GEMIN8: variants seen among roughly 807,000 people sequenced by gnomAD.
GEMIN8 encodes gem nuclear organelle associated protein 8.
For missense variants in GEMIN8, 185 were observed against 205.9 expected (o/e 0.90, Z 0.62); for synonymous variants, 80 against 78.5 (o/e 1.02, Z -0.10).
At chrX:14,016,844 C>CAAAA (rs1174566527) in intron 4 of GEMIN8, among the ~76,000 whole-genome samples, 7 of 22,561 alleles carry the variant, frequency 3.1e-4, no homozygotes, top group East Asian at 1.4e-3. Context: ...GAATCTGTCT[C>CAAAA]AAAAAAAAAA....
chrX:14,020,635 G>GCAAA, intron 3 of GEMIN8, 101 bp from the exon 4 acceptor site: 1 of 559,289 alleles, frequency 1.8e-6, no homozygotes, highest in Non-Finnish European at 2.9e-6. Context: ...TATTTACTTA[G>GCAAA]TATTTGCTAA....
intron 2 of GEMIN8, among the ~76,000 whole-genome samples, chrX:14,023,582 G>A (rs1479643181): frequency 1.8e-5 from 2 of 111,272 alleles, no homozygotes; most frequent in Non-Finnish European, 3.8e-5. Flanking sequence ...GTTTCACTAT[G>A]TTGGCCAGGC....
downstream of GEMIN8, among the ~76,000 whole-genome samples, chrX:14,002,374 A>G (rs781762872): frequency 1.9e-4 from 20 of 103,592 alleles, no homozygotes; most frequent in South Asian, 8.3e-4. Context: ...TAGATAGATA[A>G]ATAGAGTTCT....
chrX:13,993,517 G>A, the GEMIN8 span, among the ~76,000 whole-genome samples: 1 of 105,503 alleles, frequency 9.5e-6, no homozygotes, highest in Non-Finnish European at 1.9e-5. Context: ...CTGGGCTCAA[G>A]TGATCCTTCC....
intron 3 of GEMIN8, 129 bp downstream of exon 3, chrX:14,021,335 T>C (rs1398200113): frequency 2.4e-6 from 1 of 412,974 alleles, no homozygotes; most frequent in Non-Finnish European, 4.4e-6. Context: ...ACATGGCACA[T>C]GTATACATAT....
At chrX:14,026,283 C>G in intron 1 of GEMIN8, 62 bp from the exon 2 acceptor site, 3 of 752,595 alleles carry the variant, frequency 4.0e-6, no homozygotes, top group Non-Finnish European at 4.7e-6. Context: ...ACAAACCCGG[C>G]AGCCCTCTCC....
intron 4 of GEMIN8, among the ~76,000 whole-genome samples, chrX:14,009,635 A>G (rs1178648613): frequency 8.9e-6 from 1 of 112,056 alleles, no homozygotes; most frequent in Non-Finnish European, 1.9e-5. Flanking sequence ...CTGAAAACAC[A>G]GGAAAGAAAT....
chrX:14,020,633 T>A, intron 3 of GEMIN8, 99 bp from the exon 4 acceptor site: 1 of 558,193 alleles, frequency 1.8e-6, no homozygotes. Context: ...GGTATTTACT[T>A]AGTATTTGCT....
At chrX:13,997,250 C>T in the GEMIN8 span, among the ~76,000 whole-genome samples, 3 of 111,320 alleles carry the variant, frequency 2.7e-5, no homozygotes, top group Non-Finnish European at 5.7e-5. Context: ...GGCTTGTCCT[C>T]TTTTGTTGCT....
At chrX:14,001,053 G>A in the GEMIN8 span, among the ~76,000 whole-genome samples, 1 of 111,033 alleles carries the variant, frequency 9.0e-6, no homozygotes. Context: ...GTACTGTAAA[G>A]CTCTTTCCTT....
At chrX:14,015,101 C>T in intron 4 of GEMIN8, among the ~76,000 whole-genome samples, 1 of 111,553 alleles carries the variant, frequency 9.0e-6, no homozygotes, top group Non-Finnish European at 1.9e-5. Context: ...TTTGAGCCAA[C>T]ACCCTCAAAA....
chrX:14,021,385 T>C, intron 3 of GEMIN8, 79 bp downstream of exon 3: 1 of 589,472 alleles, frequency 1.7e-6, no homozygotes, highest in Non-Finnish European at 2.8e-6. Context: ...CCCTAAAACT[T>C]AAAGTATAAA....
intron 4 of GEMIN8, among the ~76,000 whole-genome samples, chrX:14,016,696 T>A (rs1268736066): frequency 3.8e-5 from 4 of 105,164 alleles, no homozygotes; most frequent in Non-Finnish European, 7.8e-5. Context: ...AATAAAAAAA[T>A]TAGCTGGGTG....
chrX:14,001,847 G>T (rs1417637725), downstream of GEMIN8, among the ~76,000 whole-genome samples: 1 of 106,921 alleles, frequency 9.4e-6, no homozygotes, highest in East Asian at 3.1e-4. Flanking sequence ...TTGTGGCCTG[G>T]CTTGGTGGCT....
chrX:14,021,814 G>GTGTATATATATATA (rs372889181), intron 2 of GEMIN8, among the ~76,000 whole-genome samples: 37 of 78,250 alleles, frequency 4.7e-4, no homozygotes, highest in African/African-American at 1.7e-3. Context: ...TAATGTGTGT[G>GTGTATATATATATA]TATATATATA....
chrX:13,995,524 C>G, the GEMIN8 span, among the ~76,000 whole-genome samples: 1 of 111,793 alleles, frequency 8.9e-6, no homozygotes, highest in Non-Finnish European at 1.9e-5. Context: ...CAGATATGTC[C>G]TTTTATAGTT....
chrX:14,026,360 T>A, intron 1 of GEMIN8, 139 bp from the exon 2 acceptor site: 1 of 747,166 alleles, frequency 1.3e-6, no homozygotes, highest in Middle Eastern at 7.7e-4. Context: ...CCATTCATTG[T>A]CTGTCCTCAA....
the GEMIN8 span, among the ~76,000 whole-genome samples, chrX:13,984,902 G>A: frequency 9.0e-6 from 1 of 111,698 alleles, no homozygotes; most frequent in Admixed American, 9.5e-5. Context: ...ACCAACTTGG[G>A]TCAGTCATTG....
the GEMIN8 span, among the ~76,000 whole-genome samples, chrX:13,988,294 G>T: frequency 9.0e-6 from 1 of 111,326 alleles, no homozygotes. Flanking sequence ...CTGGTGGGGA[G>T]GAGTGGCTGG....
Sources: allele counts gnomAD v4.1 joint callset (sites outside exome capture counted in the v4.1 genomes callset), GRCh38; gene constraint gnomAD v4.1.1; transcripts MANE v1.5; gene names NCBI Gene and HGNC (gene_info 2026-07-23, HGNC 2026-07-21).